The following CRY1 variants were observed in gnomAD, a reference collection of about 807,000 sequenced individuals.
CRY1 encodes cryptochrome-1.
CRY1 carries 45 observed loss-of-function variants against 76.0 expected under a neutral mutation model. The observed-to-expected ratio is 0.59, with a 90% CI of 0.47 to 0.76. The LOEUF is 0.76. Ranked by LOEUF, CRY1 falls within the 30% of genes least tolerant of loss-of-function variation. CRY1 has a pLI of 0.00. For synonymous variants in CRY1, 248 were observed against 244.0 expected (o/e 1.02, Z -0.15); for missense variants, 587 against 716.4 (o/e 0.82, Z 2.06).
chr12:107,066,608 G>C (rs951746243), intron 1 of CRY1, among the ~76,000 whole-genome samples: 20 of 152,052 alleles, frequency 1.3e-4, no homozygotes, highest in Admixed American at 3.3e-4. Flanking sequence ...TGGGACTACA[G>C]ACATGTGCCA....
intron 2 of CRY1, among the ~76,000 whole-genome samples, chr12:107,006,697 G>C (rs1311635859): frequency 6.9e-6 from 1 of 145,876 alleles, no homozygotes; most frequent in Non-Finnish European, 1.5e-5. Flanking sequence ...AAGTGCAGTG[G>C]CTGAAGTGCA....
chr12:107,040,099 A>G (rs1430200010), intron 1 of CRY1, among the ~76,000 whole-genome samples: 2 of 152,158 alleles, frequency 1.3e-5, no homozygotes, highest in East Asian at 3.9e-4. Flanking sequence ...GCCAGTGAAA[A>G]AAGGACAAAT....
Position 107,093,005 on chromosome 12 carries a change from G to A in CRY1, c.-44C>T, listed in dbSNP as rs1352252032. The stretch of plus-strand genomic sequence containing the variant: ...TCCTCCACGGAGAAATTCAAGGAAG[G>A]AGGCTCCGGCTCATAGCCGACACCT... On this transcript the variant is annotated 5_prime_UTR_variant, in exon 1 of 13. Coordinates refer to ENST00000008527, the MANE Select transcript of CRY1 (RefSeq NM_004075.5). 8.8e-6 allele frequency: 13 copies of A among 1,482,194 alleles called. No homozygotes were observed. The East Asian group carries it at 3.1e-4, about 35-fold the overall frequency. The allele number at this position is 1,482,194 out of a possible 1,614,324, so 91.8% of individuals were successfully genotyped here. A position where few individuals can be genotyped will look rare whatever the true frequency, so the allele number is the denominator to read the frequency against.
chr12:107,008,198 CCTT>C (rs1952397047), intron 2 of CRY1, among the ~76,000 whole-genome samples: 1 of 152,206 alleles, frequency 6.6e-6, no homozygotes, highest in Admixed American at 6.5e-5. Context: ...TAGCCCAGCT[CCTT>C]CTCCTAAACT....
chr12:106,993,276 A>G (rs1369658593), intron 10 of CRY1, among the ~76,000 whole-genome samples: 2 of 151,970 alleles, frequency 1.3e-5, no homozygotes, highest in African/African-American at 2.4e-5. Flanking sequence ...TTTCTAAAAA[A>G]CATTTCCTTA....
intron 2 of CRY1, among the ~76,000 whole-genome samples, chr12:107,009,563 C>CAT (rs869185018): frequency 0.062 from 5,611 of 89,978 alleles, 174 homozygotes; most frequent in Non-Finnish European, 0.075. Context: ...AACAAAAAAA[C>CAT]ATATATATAT....
At position 107,052,183 on chromosome 12, in the gene CRY1, A is replaced by C. The variant is rs1360276278; in HGVS notation, c.159-29991T>G. Among the ~76,000 whole-genome samples the C allele has an allele frequency of 2.0e-5, 3 of 151,862 alleles. No homozygotes were observed. In the East Asian group the frequency reaches 5.8e-4, roughly 29 times the overall value. The stretch of plus-strand genomic sequence containing the variant: ...AGGTCATAAAAGAACCTAGAATTCT[A>C]TACCCAGTGTAAATAAGGATGGTAT... On this transcript the variant is annotated intron_variant, in intron 1 of 12. Coordinates refer to ENST00000008527, the MANE Select transcript of CRY1 (RefSeq NM_004075.5).
chr12:107,028,855 GA>G (rs1236433321), intron 1 of CRY1, among the ~76,000 whole-genome samples: 2 of 151,356 alleles, frequency 1.3e-5, no homozygotes, highest in South Asian at 2.1e-4. Context: ...GGAAAGTTCA[GA>G]AAAAAAAGCA....
intron 1 of CRY1, among the ~76,000 whole-genome samples, chr12:107,077,255 T>C (rs1953267934): frequency 1.3e-5 from 2 of 152,206 alleles, no homozygotes; most frequent in Admixed American, 1.3e-4. Flanking sequence ...CTTTCACAAT[T>C]GTATTTGCAG....
In CRY1 at chr12:107,093,005, G is replaced by T. The variant is rs1352252032; in HGVS notation, c.-44C>A. On this transcript the variant is annotated 5_prime_UTR_variant, in exon 1 of 13. Transcript: ENST00000008527. Reference sequence around the variant, plus strand: ...TCCTCCACGGAGAAATTCAAGGAAGGAGGCTCCGGCTCATAGCCGACACCT... The same window carrying T: ...TCCTCCACGGAGAAATTCAAGGAAGTAGGCTCCGGCTCATAGCCGACACCT... 5.4e-6 allele frequency: 8 copies of T among 1,482,076 alleles called. No homozygotes were observed. The Admixed American group carries it at 1.0e-4, about 19-fold the overall frequency. 91.8% of individuals were successfully genotyped at this position (1,482,076 alleles called of 1,614,324 possible).
At chr12:107,072,046 C>CT (rs916664539) in intron 1 of CRY1, among the ~76,000 whole-genome samples, 44 of 152,318 alleles carry the variant, frequency 2.9e-4, no homozygotes, top group African/African-American at 1.1e-3. Context: ...TTCATGGAAA[C>CT]TTGTGCTCAA....
At chr12:107,040,235 T>C (rs1190001791) in intron 1 of CRY1, among the ~76,000 whole-genome samples, 1 of 151,160 alleles carries the variant, frequency 6.6e-6, no homozygotes, top group African/African-American at 2.4e-5. Flanking sequence ...TCGACAGGTA[T>C]ACAGTGTCAG....
intron 1 of CRY1, among the ~76,000 whole-genome samples, chr12:107,053,864 A>G (rs76811392): frequency 0.013 from 1,996 of 152,296 alleles, 18 homozygotes; most frequent in Non-Finnish European, 0.021. Flanking sequence ...CCCCAAAAAA[A>G]GTATGAGTGG....
At chr12:107,059,848 C>T (rs1004441994) in intron 1 of CRY1, among the ~76,000 whole-genome samples, 2 of 152,332 alleles carry the variant, frequency 1.3e-5, no homozygotes, top group Middle Eastern at 3.4e-3. Context: ...GTGAAATGAA[C>T]AAGACCTGCA....
At chr12:107,080,054 T>A (rs191731369) in intron 1 of CRY1, among the ~76,000 whole-genome samples, 4 of 152,236 alleles carry the variant, frequency 2.6e-5, no homozygotes. Flanking sequence ...TGTATTTATG[T>A]AACTATTTTA....
chr12:107,035,202 T>G (rs1952720714), intron 1 of CRY1, among the ~76,000 whole-genome samples: 1 of 152,222 alleles, frequency 6.6e-6, no homozygotes, highest in Admixed American at 6.5e-5. Flanking sequence ...CTTTTTTTGA[T>G]CTATGACTTA....
intron 1 of CRY1, among the ~76,000 whole-genome samples, chr12:107,084,671 T>C (rs947442906): frequency 2.6e-5 from 4 of 152,042 alleles, no homozygotes; most frequent in African/African-American, 9.7e-5. Flanking sequence ...AAAAATTCAC[T>C]CAAGACGAAT....
chr12:106,998,270 T>G (rs1056234531), intron 7 of CRY1, among the ~76,000 whole-genome samples: 1 of 152,180 alleles, frequency 6.6e-6, no homozygotes, highest in Non-Finnish European at 1.5e-5. Flanking sequence ...ATAGTATGCT[T>G]CTGAAGAGAA....
At chr12:107,028,472 C>G (rs377330832) in intron 1 of CRY1, among the ~76,000 whole-genome samples, 1 of 152,126 alleles carries the variant, frequency 6.6e-6, no homozygotes, top group African/African-American at 2.4e-5. Context: ...AGACCTATAT[C>G]ACTTTTTATA....
Sources: allele counts gnomAD v4.1 joint callset (sites outside exome capture counted in the v4.1 genomes callset), GRCh38; gene constraint gnomAD v4.1.1; transcripts MANE v1.5; gene names NCBI Gene and HGNC (gene_info 2026-07-23, HGNC 2026-07-21).